Variants in GGNBP2 observed in about 807,000 individuals in gnomAD.
GGNBP2 encodes gametogenetin-binding protein 2.
Under a neutral mutation model 85.9 loss-of-function variants are expected in GGNBP2, and 10 were observed. The observed-to-expected ratio is 0.12, with a 90% confidence interval of 0.07 to 0.20. The LOEUF (loss-of-function observed/expected upper bound fraction) is 0.20, where lower values mean the gene tolerates loss of function less well. Among genes scored for constraint, GGNBP2 ranks in the 10% least tolerant of loss-of-function variants. The pLI is 1.00. For synonymous variants in GGNBP2, 287 were observed against 285.7 expected (o/e 1.00, Z -0.05); for missense variants, 595 against 857.8 (o/e 0.69, Z 3.83).
chr17:36,578,380 G>A (rs1370510143), intron 7 of GGNBP2, 194 bp downstream of exon 7: 2 of 533,156 alleles, frequency 3.8e-6, no homozygotes, highest in Non-Finnish European at 6.5e-6. Flanking sequence ...CTGTTCTCTG[G>A]TGTTTGGTTC....
intron 5 of GGNBP2, among the ~76,000 whole-genome samples, chr17:36,561,873 T>C (rs1337205837): frequency 6.6e-6 from 1 of 152,156 alleles, no homozygotes; most frequent in African/African-American, 2.4e-5. Context: ...TCCGCCCACC[T>C]CGGCCTCCCA....
At chr17:36,548,223 C>CTT (rs1333185009) in intron 2 of GGNBP2, among the ~76,000 whole-genome samples, 1 of 152,172 alleles carries the variant, frequency 6.6e-6, no homozygotes, top group Non-Finnish European at 1.5e-5. Flanking sequence ...CAGTTGCAGA[C>CTT]TTTATCATTT....
intron 8 of GGNBP2, among the ~76,000 whole-genome samples, chr17:36,580,778 G>T (rs2074640697): frequency 6.6e-6 from 1 of 151,956 alleles, no homozygotes; most frequent in Non-Finnish European, 1.5e-5. Context: ...AAATCAGCCA[G>T]TGTGGTGGCG....
At chr17:36,575,462 C>T (rs2074567737) in intron 6 of GGNBP2, 1 of 162,512 alleles carries the variant, frequency 6.2e-6, no homozygotes, top group African/African-American at 2.4e-5. Flanking sequence ...TTATGGTTTT[C>T]AGATGTTAAC....
intron 6 of GGNBP2, chr17:36,576,729 G>T (rs199981396): frequency 2.0e-5 from 3 of 147,672 alleles, no homozygotes; most frequent in Admixed American, 1.4e-4. Context: ...TTGAAAATAG[G>T]GACCTACAGG....
rs1281700307 is a variant in GGNBP2 at position 36,581,492 on chromosome 17, C to G, written c.1169C>G (p.Pro390Arg). The G allele has an allele frequency of 6.2e-7, 1 of 1,611,434 alleles. No homozygotes were observed. Among genetic ancestry groups the G allele is most frequent in the Admixed American group, 1.7e-5 (1 of 59,318 alleles). Reference protein sequence around the residue: ...RRKNKCVCDIPTPLQTADEKE... With the variant: ...RRKNKCVCDIRTPLQTADEKE... ...AAAAATAAGTGTGTGTGTGATATTC[C>G]TACTCCCTTACAAACAGCAGATGAA... Residue 390 changes from proline (P) to arginine (R), a missense_variant, in exon 9 of 14, where the codon CCT becomes CGT. Transcript: ENST00000613102.
At chr17:36,547,356 G>A (rs1401736351) in intron 2 of GGNBP2, 1 of 151,744 alleles carries the variant, frequency 6.6e-6, no homozygotes, top group Non-Finnish European at 1.5e-5. Context: ...AATGGCTGTG[G>A]AGTTAAAAAA....
At chr17:36,586,709 C>G in intron 12 of GGNBP2, 1 of 337,692 alleles carries the variant, frequency 3.0e-6, no homozygotes, top group Non-Finnish European at 5.6e-6. Context: ...ACCTCTGCCT[C>G]CCAGGTTCAA....
At chr17:36,560,097 A>T (rs1567821403) in intron 4 of GGNBP2, among the ~76,000 whole-genome samples, 2 of 152,026 alleles carry the variant, frequency 1.3e-5, no homozygotes. Flanking sequence ...CTGGGATTAC[A>T]GGTGTGAGCC....
chr17:36,548,227 A>T (rs1216042562), intron 2 of GGNBP2, among the ~76,000 whole-genome samples: 1 of 152,230 alleles, frequency 6.6e-6, no homozygotes, highest in Non-Finnish European at 1.5e-5. Context: ...TGCAGACTTT[A>T]TCATTTTAGT....
Position 36,578,117 on chromosome 17 carries a change from T to C in GGNBP2, c.776T>C (p.Ile259Thr). The change falls in exon 7 of 14, where the codon ATA (isoleucine) becomes ACA (threonine). Residue 259 changes from isoleucine (I) to threonine (T), a missense_variant. Physicochemically the swap from Ile to Thr is moderately conservative, Grantham distance 89. Coordinates refer to ENST00000613102, the MANE Select transcript of GGNBP2 (RefSeq NM_024835.5). ...GLRCCPHERH[I>T]HVCCETDFIA... ...CGGTGCTGTCCACATGAACGACACA[T>C]ACATGTTTGCTGTGAAACAGACTTC... 6.2e-7 allele frequency: 1 copy of C among 1,614,174 alleles called. No homozygotes were observed. Among genetic ancestry groups the C allele is most frequent in the Non-Finnish European group, 8.5e-7 (1 of 1,179,988 alleles).
rs777968687 is a variant in GGNBP2 at position 36,557,192 on chromosome 17, G to C, written c.284G>C (p.Ser95Thr). Residue 95 changes from serine (S) to threonine (T), a missense_variant, in exon 4 of 14, where the codon AGT (serine) becomes ACT (threonine). Physicochemically the swap from Ser to Thr is moderately conservative, Grantham distance 58 (BLOSUM62 1). Transcript: ENST00000613102. ...QLVPCVGCRR[S>T]VERLFSQLVE... is the part of the protein sequence containing the mutation. Reference sequence around the variant, plus strand: ...GTCCCATGTGTTGGTTGTCGTCGCAGTGTGGAGCGTCTCTTTTCCCAGCTT... The same window carrying C: ...GTCCCATGTGTTGGTTGTCGTCGCACTGTGGAGCGTCTCTTTTCCCAGCTT... 1 of 1,614,146 alleles carries C rather than the reference G, an allele frequency of 6.2e-7. No individual in the cohort carries two copies. Among genetic ancestry groups the C allele is most frequent in the Non-Finnish European group, 8.5e-7 (1 of 1,180,038 alleles).
chr17:36,577,857 G>A (rs1196483193), intron 6 of GGNBP2, 126 bp from the exon 7 acceptor site: 1 of 733,420 alleles, frequency 1.4e-6, no homozygotes, highest in East Asian at 2.7e-5. Context: ...TGTTTTAAAT[G>A]TGTGTATGGA....
At chr17:36,589,168 A>G (rs376904689) in intron 13 of GGNBP2, 40 bp from the exon 14 acceptor site, 9 of 1,443,178 alleles carry the variant, frequency 6.2e-6, no homozygotes, top group Middle Eastern at 2.3e-4. Flanking sequence ...AACATTTTGC[A>G]TTCTTAAGTC....
chr17:36,579,667 C>T (rs2074626122), intron 8 of GGNBP2, among the ~76,000 whole-genome samples: 1 of 152,162 alleles, frequency 6.6e-6, no homozygotes, highest in South Asian at 2.1e-4. Context: ...GGTTTTTAGA[C>T]TTTCTCAGAG....
chr17:36,589,672 T>G lies in GGNBP2; in HGVS notation c.*261T>G. On this transcript the variant is annotated 3_prime_UTR_variant, in exon 14 of 14. Transcript: ENST00000613102. The stretch of plus-strand genomic sequence containing the variant: ...ATGTTTCTCTTCCTGTGAGACTTAC[T>G]AAAGCAACTTAGTGGCAAAAAGTAA... The G allele has an allele frequency of 2.1e-6, 1 of 481,236 alleles. No homozygotes were observed. Among genetic ancestry groups the G allele is most frequent in the Non-Finnish European group, 3.7e-6 (1 of 272,190 alleles). 29.8% of individuals were successfully genotyped at this position (481,236 alleles called of 1,614,324 possible). A position where few individuals can be genotyped will look rare whatever the true frequency, so the allele number is the denominator to read the frequency against.
chr17:36,584,979 A>G (rs549414288), intron 9 of GGNBP2, among the ~76,000 whole-genome samples: 2 of 151,896 alleles, frequency 1.3e-5, no homozygotes, highest in South Asian at 4.2e-4. Flanking sequence ...GAAAAAGTAT[A>G]TGTATTTGTG....
intron 2 of GGNBP2, among the ~76,000 whole-genome samples, chr17:36,553,346 C>G (rs1387184355): frequency 6.6e-6 from 1 of 152,114 alleles, no homozygotes; most frequent in African/African-American, 2.4e-5. Flanking sequence ...CTCTGTACTT[C>G]ATATATCTCA....
chr17:36,557,050 A>C, intron 3 of GGNBP2, 33 bp from the exon 4 acceptor site: 6 of 1,612,018 alleles, frequency 3.7e-6, no homozygotes, highest in Non-Finnish European at 5.1e-6. Context: ...GTCTTTTTAA[A>C]GGACACTCTT....
Sources: allele counts gnomAD v4.1 joint callset (sites outside exome capture counted in the v4.1 genomes callset), GRCh38; gene constraint gnomAD v4.1.1; transcripts MANE v1.5; gene names NCBI Gene and HGNC (gene_info 2026-07-23, HGNC 2026-07-21).